The following HDAC9 variants were observed in gnomAD, a reference collection of about 807,000 sequenced individuals.
The protein encoded by HDAC9 is histone deacetylase 9, also known as MEF-2 interacting transcription repressor (MITR) protein.
Under a neutral mutation model 139.4 loss-of-function variants are expected in HDAC9, and 41 were observed. The observed-to-expected ratio is 0.29, with a 90% CI of 0.23 to 0.38. The LOEUF (loss-of-function observed/expected upper bound fraction) is 0.38. HDAC9 is among the 10% of genes least tolerant of loss of function. The pLI, the probability that HDAC9 is intolerant of heterozygous loss-of-function variation, is 1.00. For synonymous variants in HDAC9, 517 were observed against 476.2 expected, an observed-to-expected ratio of 1.09 and a Z score of -1.12; for missense variants, 1,147 against 1,297.0, an observed-to-expected ratio of 0.88 and a Z score of 1.78.
intron 1 of HDAC9, among the ~76,000 whole-genome samples, chr7:18,149,888 G>A (rs1051983842): frequency 2.6e-5 from 4 of 151,920 alleles, no homozygotes; most frequent in South Asian, 2.1e-4. Flanking sequence ...TGGAAATGGC[G>A]TCTTGCTATT....
rs188865411 is a variant in HDAC9, at chr7:18,483,892, T to C, written c.-41-12370T>C. Among the ~76,000 whole-genome samples the C allele has an allele frequency of 1.8e-3, 277 of 152,286 alleles. 4 individuals carry two copies. Among genetic ancestry groups the C allele is most frequent in the Admixed American group, 8.0e-3 (123 of 15,298 alleles). The stretch of plus-strand genomic sequence containing the variant: ...GAGTATTATTTTAATCTTTCTGTTT[T>C]CTATCAACTGATTTGAATCACATAC... On this transcript the variant is annotated intron_variant, in intron 1 of 3. Coordinates refer to the HDAC9 transcript ENST00000413509.
intron 8 of HDAC9, among the ~76,000 whole-genome samples, chr7:18,636,919 A>G (rs892378534): frequency 6.6e-6 from 1 of 151,948 alleles, no homozygotes; most frequent in Non-Finnish European, 1.5e-5. Context: ...ATCTCTCAGT[A>G]TGAAGAGTGT....
intron 1 of HDAC9, among the ~76,000 whole-genome samples, chr7:18,382,003 T>C (rs78160175): frequency 0.034 from 5,161 of 152,210 alleles, 296 homozygotes; most frequent in African/African-American, 0.12. Context: ...ATAATGTTTT[T>C]CTAATGTGAA....
intron 23 of HDAC9, among the ~76,000 whole-genome samples, chr7:18,941,643 G>A (rs10258770): frequency 0.015 from 2,312 of 152,214 alleles, 51 homozygotes; most frequent in African/African-American, 0.053. Context: ...AGTAAAGGAA[G>A]GAGGAACTGA....
chr7:18,624,507 G>C (rs1841108776), intron 6 of HDAC9, among the ~76,000 whole-genome samples: 1 of 152,128 alleles, frequency 6.6e-6, no homozygotes, highest in African/African-American at 2.4e-5. Flanking sequence ...TTGAGATGTA[G>C]AGAATGATGG....
intron 8 of HDAC9, among the ~76,000 whole-genome samples, chr7:18,640,357 T>TAAAAA (rs56655676): frequency 3.0e-5 from 2 of 66,080 alleles, no homozygotes; most frequent in African/African-American, 1.1e-4. Context: ...GATCCTGTCT[T>TAAAAA]AAAAAAAAAA....
chr7:18,320,556 T>A (rs1455449100), intron 1 of HDAC9, among the ~76,000 whole-genome samples: 1 of 152,196 alleles, frequency 6.6e-6, no homozygotes, highest in African/African-American at 2.4e-5. Context: ...ACTTGGGATT[T>A]ACTCTTTAAA....
At chr7:18,175,845 G>A (rs1317423080) in intron 2 of HDAC9, among the ~76,000 whole-genome samples, 1 of 139,410 alleles carries the variant, frequency 7.2e-6, no homozygotes, top group Non-Finnish European at 1.5e-5. Context: ...ATAGATGGTT[G>A]CTCCTCACAT....
At chr7:18,946,441 G>A (rs1440828537) in intron 23 of HDAC9, among the ~76,000 whole-genome samples, 3 of 151,882 alleles carry the variant, frequency 2.0e-5, no homozygotes, top group Non-Finnish European at 4.4e-5. Context: ...TAATTATAAG[G>A]AAACTTTGAA....
intron 2 of HDAC9, among the ~76,000 whole-genome samples, chr7:18,505,194 C>T (rs964782300): frequency 1.3e-5 from 2 of 152,164 alleles, no homozygotes; most frequent in African/African-American, 4.8e-5. Context: ...CATTTGGCAC[C>T]TGTTTGCCAG....
intron 2 of HDAC9, among the ~76,000 whole-genome samples, chr7:18,545,187 A>T (rs976416438): frequency 6.6e-6 from 1 of 152,220 alleles, no homozygotes; most frequent in African/African-American, 2.4e-5. Context: ...GACATTTTAA[A>T]GTGTGAATGG....
chr7:18,740,258 G>A (rs376467053), intron 13 of HDAC9, among the ~76,000 whole-genome samples: 11 of 152,184 alleles, frequency 7.2e-5, no homozygotes, highest in South Asian at 4.1e-4. Context: ...GCTTCAGCTC[G>A]CCCTCCGTGG....
intron 12 of HDAC9, among the ~76,000 whole-genome samples, chr7:18,669,456 C>A (rs1047033002): frequency 2.0e-5 from 3 of 151,728 alleles, no homozygotes; most frequent in African/African-American, 7.3e-5. Flanking sequence ...GCAACTCTGC[C>A]GTATTCTAAG....
At chr7:18,937,100 C>T (rs1320841777) in intron 23 of HDAC9, among the ~76,000 whole-genome samples, 7 of 134,732 alleles carry the variant, frequency 5.2e-5, no homozygotes, top group African/African-American at 1.6e-4. Flanking sequence ...AGTGCAGTGG[C>T]GCGATCTCGG....
intron 1 of HDAC9, among the ~76,000 whole-genome samples, chr7:18,117,529 TAGAG>T (rs1554300797): frequency 6.8e-6 from 1 of 146,244 alleles, no homozygotes; most frequent in Non-Finnish European, 1.5e-5. Context: ...AGAGAAGAGA[TAGAG>T]AGACTGAGAT....
chr7:18,851,350 G>GATCT (rs1797275323), intron 21 of HDAC9: 1 of 152,184 alleles, frequency 6.6e-6, no homozygotes, highest in African/African-American at 2.4e-5. Flanking sequence ...GCTCTCACGA[G>GATCT]ATCTAATGGT....
chr7:18,890,526 T>C (rs757419459), intron 22 of HDAC9, among the ~76,000 whole-genome samples: 11 of 152,212 alleles, frequency 7.2e-5, no homozygotes, highest in Non-Finnish European at 1.3e-4. Context: ...GGTTTAATAA[T>C]ATTTGGGACA....
intron 2 of HDAC9, among the ~76,000 whole-genome samples, chr7:18,192,450 T>C (rs1349991184): frequency 1.3e-5 from 2 of 152,118 alleles, no homozygotes; most frequent in African/African-American, 2.4e-5. Flanking sequence ...GTTGCCAGAT[T>C]TGGTAGTAGT....
At chr7:18,360,991 G>A (rs1585368880) in intron 1 of HDAC9, among the ~76,000 whole-genome samples, 2 of 152,094 alleles carry the variant, frequency 1.3e-5, no homozygotes, top group Admixed American at 6.5e-5. Context: ...ACAGTTAAGG[G>A]GCAAATTTTC....
Sources: allele counts gnomAD v4.1 joint callset (sites outside exome capture counted in the v4.1 genomes callset), GRCh38; gene constraint gnomAD v4.1.1; transcripts MANE v1.5; gene names NCBI Gene and HGNC (gene_info 2026-07-23, HGNC 2026-07-21).